The following CDH13 variants were observed in gnomAD, a reference collection of about 807,000 sequenced individuals.
The protein encoded by CDH13 is cadherin 13, also known as cadherin-13.
Under a neutral mutation model 63.8 loss-of-function variants are expected in CDH13, and 24 were observed. The ratio of observed to expected loss-of-function variants is 0.38; its 90% confidence interval spans 0.27 to 0.53. CDH13 has a LOEUF of 0.53. Ranked by LOEUF, CDH13 falls within the 20% of genes least tolerant of loss-of-function variation. CDH13 has a pLI of 0.85. For missense variants in CDH13, 1,049 were observed against 903.1 expected, an observed-to-expected ratio of 1.16 and a Z score of -2.07; for synonymous variants, 503 against 355.3, an observed-to-expected ratio of 1.42 and a Z score of -4.67.
chr16:83,054,154 G>T (rs1270053671), intron 3 of CDH13, among the ~76,000 whole-genome samples: 1 of 152,162 alleles, frequency 6.6e-6, no homozygotes, highest in African/African-American at 2.4e-5. Context: ...GTTTATATAA[G>T]TGCACTGTGT....
intron 7 of CDH13, among the ~76,000 whole-genome samples, chr16:83,561,656 C>T (rs1003668169): frequency 2.0e-5 from 3 of 152,166 alleles, no homozygotes; most frequent in Non-Finnish European, 2.9e-5. Context: ...GAATTTCCTT[C>T]ATTTTCTTAT....
chr16:82,904,116 T>A (rs2041561821), intron 2 of CDH13, among the ~76,000 whole-genome samples: 1 of 152,132 alleles, frequency 6.6e-6, no homozygotes, highest in Admixed American at 6.5e-5. Context: ...AATAAGCAAT[T>A]AGAGTGAGAT....
rs75645790 is a variant in CDH13 at position 82,980,301 on chromosome 16, C to G, written c.158-51709C>G. 2.6e-4 allele frequency among the ~76,000 whole-genome samples: 39 copies of G among 152,262 alleles called. No homozygotes were observed. In the East Asian group the frequency reaches 4.8e-3, roughly 19 times the overall value. ...GCCTTCCCTCTGTAATGAGTTTTGT[C>G]TGTTGGTCAAAACTAGAGACTCACA... On this transcript the variant is annotated intron_variant, in intron 2 of 13. Transcript: ENST00000567109.
intron 1 of CDH13, among the ~76,000 whole-genome samples, chr16:82,830,025 C>T (rs755447529): frequency 1.3e-5 from 2 of 152,206 alleles, no homozygotes; most frequent in Non-Finnish European, 2.9e-5. Flanking sequence ...CTTGAGTAAA[C>T]ATTTCATAGA....
At chr16:83,447,974 G>C (rs2072761643) in intron 6 of CDH13, among the ~76,000 whole-genome samples, 1 of 152,070 alleles carries the variant, frequency 6.6e-6, no homozygotes, top group Non-Finnish European at 1.5e-5. Flanking sequence ...AGATTGCTCT[G>C]GGAGTTTTCA....
Position 83,795,099 on chromosome 16 carries a change from A to C in CDH13, c.*69A>C. ...ACAGGAAAAAAAAAAATCTATCCAAATCTGAAGATTGCGGTTTACAGCTAT... is the reference window on the plus strand; with the variant it reads ...ACAGGAAAAAAAAAAATCTATCCAACTCTGAAGATTGCGGTTTACAGCTAT... On this transcript the variant is annotated 3_prime_UTR_variant, in exon 14 of 14. Transcript: ENST00000567109. The C allele has an allele frequency of 7.2e-7, 1 of 1,396,558 alleles. No individual in the cohort carries two copies. Among genetic ancestry groups the C allele is most frequent in the Non-Finnish European group, 9.8e-7 (1 of 1,017,678 alleles). The allele number at this position is 1,396,558 out of a possible 1,614,324, so 86.5% of individuals were successfully genotyped here. A position where few individuals can be genotyped will look rare whatever the true frequency, so the allele number is the denominator to read the frequency against.
chr16:83,088,716 G>T (rs1350109064), intron 3 of CDH13, among the ~76,000 whole-genome samples: 1 of 152,134 alleles, frequency 6.6e-6, no homozygotes, highest in Non-Finnish European at 1.5e-5. Context: ...AGCTGTTTAT[G>T]TTCATCTGAT....
intron 8 of CDH13, among the ~76,000 whole-genome samples, chr16:83,629,196 A>G (rs1291820971): frequency 2.0e-5 from 3 of 152,228 alleles, no homozygotes; most frequent in Non-Finnish European, 4.4e-5. Flanking sequence ...AGTTAAGCAT[A>G]TGTTTCATAC....
chr16:83,198,320 T>G (rs909949992), intron 4 of CDH13, among the ~76,000 whole-genome samples: 1 of 137,672 alleles, frequency 7.3e-6, no homozygotes, highest in Non-Finnish European at 1.6e-5. Flanking sequence ...ATCACACACA[T>G]GTACACACAC....
At chr16:83,169,927 C>T (rs1322689936) in intron 4 of CDH13, among the ~76,000 whole-genome samples, 1 of 152,100 alleles carries the variant, frequency 6.6e-6, no homozygotes, top group East Asian at 1.9e-4. Flanking sequence ...TCTGATTCTT[C>T]AGTCCCTCTA....
chr16:83,576,029 C>G (rs963113361), intron 7 of CDH13, among the ~76,000 whole-genome samples: 1 of 152,124 alleles, frequency 6.6e-6, no homozygotes, highest in Admixed American at 6.5e-5. Flanking sequence ...TGAAACTAAC[C>G]ATGTTAAAGT....
chr16:82,699,420 C>A (rs78072123), intron 1 of CDH13, among the ~76,000 whole-genome samples: 1 of 152,166 alleles, frequency 6.6e-6, no homozygotes, highest in Non-Finnish European at 1.5e-5. Context: ...TTAATTTCAA[C>A]CCAGCCCAGA....
At chr16:83,768,710 C>T (rs917518091) in intron 11 of CDH13, among the ~76,000 whole-genome samples, 4 of 151,986 alleles carry the variant, frequency 2.6e-5, no homozygotes, top group African/African-American at 9.7e-5. Context: ...CTTTTTAGAC[C>T]ATATAGGGTA....
intron 5 of CDH13, among the ~76,000 whole-genome samples, chr16:83,247,540 A>C (rs181372628): frequency 8.3e-4 from 127 of 152,194 alleles, no homozygotes; most frequent in Non-Finnish European, 6.8e-4. Flanking sequence ...CATGTGATTC[A>C]GAATTAGATA....
intron 10 of CDH13, among the ~76,000 whole-genome samples, chr16:83,743,922 G>A (rs1030108058): frequency 6.6e-6 from 1 of 151,810 alleles, no homozygotes; most frequent in Admixed American, 6.6e-5. Context: ...TGTGTACCGA[G>A]AAGCCCAGCC....
At chr16:82,686,653 T>C (rs184517752) in intron 1 of CDH13, among the ~76,000 whole-genome samples, 3 of 152,358 alleles carry the variant, frequency 2.0e-5, no homozygotes, top group Admixed American at 6.5e-5. Flanking sequence ...ATTATTGTTA[T>C]GATTCCCGGA....
At chr16:83,620,677 G>C (rs1201480444) in intron 8 of CDH13, among the ~76,000 whole-genome samples, 2 of 152,204 alleles carry the variant, frequency 1.3e-5, no homozygotes, top group Non-Finnish European at 1.5e-5. Context: ...CCAGCAAAGA[G>C]GGTCTTGTTG....
At chr16:83,469,276 G>A (rs2073395453) in intron 6 of CDH13, among the ~76,000 whole-genome samples, 1 of 152,160 alleles carries the variant, frequency 6.6e-6, no homozygotes, top group Non-Finnish European at 1.5e-5. Flanking sequence ...CTTATAGCAG[G>A]AGGAAGAATT....
chr16:83,345,726 A>G lies in CDH13; in HGVS notation c.781+720A>G, dbSNP rs77652285. 6.8e-3 allele frequency among the ~76,000 whole-genome samples: 1,031 copies of G among 152,328 alleles called. 10 individuals are homozygous for G. Among genetic ancestry groups the G allele is most frequent in the Middle Eastern group, 0.024 (7 of 294 alleles). On this transcript the variant is annotated intron_variant, in intron 6 of 13. Transcript: ENST00000567109. ...ACTCCTAAGTATAATGCTTGAGAAA[A>G]TGAAAGAATAAAACAGAAAAATTCC...
Sources: gnomAD v4.1 joint callset for allele counts (sites outside exome capture counted in the v4.1 genomes callset) on GRCh38, gnomAD v4.1.1 for gene constraint, MANE v1.5 for transcripts, NCBI Gene and HGNC (gene_info 2026-07-23, HGNC 2026-07-21) for gene names.